The following SRPX2 variants were observed in gnomAD, a reference collection of about 807,000 sequenced individuals.
SRPX2 encodes the protein sushi repeat containing protein X-linked 2.
A neutral mutation model predicts 45.3 loss-of-function variants in SRPX2; 26 were observed. That is an observed-to-expected ratio of 0.57 (90% CI 0.42 to 0.80). The LOEUF (loss-of-function observed/expected upper bound fraction) is 0.80, where lower values mean the gene tolerates loss of function less well. SRPX2 is among the 30% of genes least tolerant of loss of function. The probability of loss-of-function intolerance (pLI) is 0.00; values close to 1 mark genes in which losing one functional copy is unlikely to be tolerated. For missense variants in SRPX2, 355 were observed against 399.8 expected (o/e 0.89, Z 0.95); for synonymous variants, 125 against 143.7 (o/e 0.87, Z 0.93).
rs1483182243 is a variant in SRPX2 at position 100,669,408 on chromosome X, G to A, written c.1217+39G>A. The A allele has an allele frequency of 1.5e-5, 5 of 332,716 alleles. 1 individual carries two copies. Among genetic ancestry groups the A allele is most frequent in the Admixed American group, 3.9e-5 (1 of 25,965 alleles). The allele number at this position is 332,716 out of a possible 1,213,427, so 27.4% of individuals were successfully genotyped here. Reference sequence around the variant, plus strand: ...GGCTGCCAAACTTGGGGGGAGGGGGGGCTGGGGCGGGGGGAGAAACCCTAG... The same window carrying A: ...GGCTGCCAAACTTGGGGGGAGGGGGAGCTGGGGCGGGGGGAGAAACCCTAG... On this transcript the variant is annotated intron_variant, in intron 10 of 10. Transcript: ENST00000373004.
Position 100,669,264 on chromosome X carries a change from T to C in SRPX2, c.1112T>C (p.Leu371Pro), listed in dbSNP as rs752804195. 8 of 1,208,148 alleles carry C rather than the reference T, an allele frequency of 6.6e-6. No homozygotes were observed. Among genetic ancestry groups the C allele is most frequent in the African/African-American group, 1.8e-5 (1 of 56,580 alleles). The change falls in exon 10 of 11, where the codon CTG becomes CCG. Residue 371 changes from leucine (L) to proline (P), a missense_variant. Physicochemically the swap from Leu to Pro is moderately conservative, Grantham distance 98. Coordinates refer to ENST00000373004, the MANE Select transcript of SRPX2 (RefSeq NM_014467.3). ...CCCTCCCAGCAATCCACCTGTGGAC[T>C]GGATTTGCGGCATGTGACCATCATT... ...ISMLQQSTCG[L>P]DLRHVTIIEL...
At chrX:100,650,545 G>A (rs1227500223) in intron 2 of SRPX2, among the ~76,000 whole-genome samples, 1 of 111,147 alleles carries the variant, frequency 9.0e-6, no homozygotes, top group Admixed American at 9.5e-5. Flanking sequence ...TCCAGTGCTC[G>A]CAGTAACTGG....
Position 100,672,832 on chromosome X carries a change from A to G in SRPX2, c.*1845A>G, listed in dbSNP as rs1438375754. The G allele has an allele frequency of 4.5e-5, 5 of 112,113 alleles. No homozygotes were observed. Among genetic ancestry groups the G allele is most frequent in the Admixed American group, 9.5e-5 (1 of 10,578 alleles). The allele number at this position is 112,113 out of a possible 1,213,427, so 9.2% of individuals were successfully genotyped here. A position where few individuals can be genotyped will look rare whatever the true frequency, so the allele number is the denominator to read the frequency against. ...AAAGCGGAGTGATGGGACATAAATC[A>G]TGAGCCCAGAACAAATTGGGGGAGC... On this transcript the variant is annotated 3_prime_UTR_variant, in exon 11 of 11. Coordinates refer to ENST00000373004, the MANE Select transcript of SRPX2 (RefSeq NM_014467.3).
Position 100,665,384 on chromosome X carries a change from T to C in SRPX2, c.659+15T>C, listed in dbSNP as rs748820323. The C allele has an allele frequency of 3.3e-6, 4 of 1,208,667 alleles. No individual in the cohort carries two copies. The highest frequency in any genetic ancestry group is 4.4e-5 in the Admixed American group (2 of 45,843). On this transcript the variant is annotated intron_variant, in intron 6 of 10. Coordinates refer to ENST00000373004, the MANE Select transcript of SRPX2 (RefSeq NM_014467.3). The stretch of plus-strand genomic sequence containing the variant: ...ACCATCACCAGGTGAGCCTGAATAA[T>C]GGATGCCCCTTATGCCTTCCCTCGG...
At position 100,666,686 on chromosome X, in the gene SRPX2, G is replaced by A. The variant is rs1602724995; in HGVS notation, c.782-68G>A. 3.4e-6 allele frequency: 4 copies of A among 1,190,595 alleles called. No individual in the cohort carries two copies. In the East Asian group the frequency reaches 1.2e-4, roughly 35 times the overall value. ...CTTCTGATCTAGAAAGCCCAGCATG[G>A]GCACCCTCTTAGCCTTTCCTTCTTA... On this transcript the variant is annotated intron_variant, in intron 7 of 10. Transcript: ENST00000373004.
At chrX:100,650,761 T>G in intron 2 of SRPX2, 24 bp from the exon 3 acceptor site, 1 of 1,180,983 alleles carries the variant, frequency 8.5e-7, no homozygotes, top group Non-Finnish European at 1.2e-6. Flanking sequence ...AGACACCATT[T>G]TGATATTGTC....
rs35600595 is a variant in SRPX2, at chrX:100,659,777, C to CTTT, written c.164-2387_164-2385dup. ...TGTTCCTTTGGTGTCTCATCTACTT[C>CTTT]TTTTTTTTTTTTTTCAAAGCTTTTT... On this transcript the variant is annotated intron_variant, in intron 3 of 10. Coordinates refer to ENST00000373004, the MANE Select transcript of SRPX2 (RefSeq NM_014467.3). 4.3e-3 allele frequency among the ~76,000 whole-genome samples: 363 copies of CTTT among 83,925 alleles called. 3 individuals carry two copies. The highest frequency in any genetic ancestry group is 0.015 in the African/African-American group (337 of 22,787). 72.9% of individuals were successfully genotyped at this position (83,925 alleles called of 115,157 possible). A position where few individuals can be genotyped will look rare whatever the true frequency, so the allele number is the denominator to read the frequency against.
intron 5 of SRPX2, 124 bp downstream of exon 5, chrX:100,665,074 A>G (rs1396882191): frequency 1.9e-6 from 2 of 1,055,460 alleles, no homozygotes; most frequent in Non-Finnish European, 2.6e-6. Flanking sequence ...CACCCTGGGT[A>G]TTTGCTAAAC....
chrX:100,652,863 A>G (rs916228267), intron 3 of SRPX2, among the ~76,000 whole-genome samples: 3 of 111,087 alleles, frequency 2.7e-5, no homozygotes, highest in Non-Finnish European at 3.8e-5. Context: ...CTCAGCACCC[A>G]CTAACTCCTA....
intron 3 of SRPX2, among the ~76,000 whole-genome samples, chrX:100,661,605 A>ATGCCTGG (rs758075141): frequency 2.1e-3 from 238 of 111,549 alleles, no homozygotes; most frequent in Non-Finnish European, 2.0e-3. Flanking sequence ...TCTCGTCTCT[A>ATGCCTGG]CTAAAATACA....
chrX:100,647,112 G>A (rs747813677), intron 2 of SRPX2, among the ~76,000 whole-genome samples: 1 of 112,010 alleles, frequency 8.9e-6, no homozygotes, highest in African/African-American at 3.2e-5. Context: ...AGGGATGAGG[G>A]CAGGATAATG....
chrX:100,664,231 T>A (rs987769614), intron 4 of SRPX2, among the ~76,000 whole-genome samples: 2 of 100,519 alleles, frequency 2.0e-5, no homozygotes, highest in Non-Finnish European at 4.1e-5. Flanking sequence ...TTTTTTTTTT[T>A]ACTCTTGATA....
At chrX:100,669,422 G>GGGGGGGGGGGGC in intron 10 of SRPX2, 53 bp downstream of exon 10, 1 of 319,099 alleles carries the variant, frequency 3.1e-6, no homozygotes, top group Non-Finnish European at 6.2e-6. Flanking sequence ...GGGGCGGGGG[G>GGGGGGGGGGGGC]AGAAACCCTA....
rs1208754092 is a variant in SRPX2, at chrX:100,665,618, T to C, written c.742T>C (p.Tyr248His). Reference protein sequence around the residue: ...VIRYTAYDRAYNRASCKFIVK... With the variant: ...VIRYTAYDRAHNRASCKFIVK... ...TCGTTACACTGCCTATGACCGAGCC[T>C]ACAACCGGGCCAGCTGCAAGTTCAT... Residue 248 changes from tyrosine to histidine, a missense_variant, in exon 7 of 11, where the codon TAC becomes CAC. Transcript: ENST00000373004. The C allele has an allele frequency of 2.6e-5, 32 of 1,210,433 alleles. No individual in the cohort carries two copies. Among genetic ancestry groups the C allele is most frequent in the Non-Finnish European group, 3.6e-5 (32 of 895,367 alleles).
Position 100,673,776 on chromosome X carries a change from G to A in SRPX2, c.*2789G>A, listed in dbSNP as rs971127208. 8.9e-6 allele frequency: 1 copy of A among 112,040 alleles called. No homozygotes were observed. Among genetic ancestry groups the A allele is most frequent in the African/African-American group, 3.2e-5 (1 of 30,817 alleles). 9.2% of individuals were successfully genotyped at this position (112,040 alleles called of 1,213,427 possible). On this transcript the variant is annotated 3_prime_UTR_variant, in exon 11 of 11. Transcript: ENST00000373004. ...CCATTCTCACAGGAGGCCACATGGT[G>A]CAGTAGAGTCAGACTTTGATTCAAA... is the stretch of plus-strand genomic sequence containing the variant.
rs763862343 is a variant in SRPX2 at position 100,652,419 on chromosome X, GA to G, written c.163+1555del. 5.3e-5 allele frequency among the ~76,000 whole-genome samples: 6 copies of G among 112,279 alleles called. No homozygotes were observed. In the East Asian group the frequency reaches 1.4e-3, roughly 26 times the overall value. ...AAAGATGCCCTACAGGCGGCGGAAG[GA>G]TGAAGTTGTGTGAGTCATCAGCTTA... is the stretch of plus-strand genomic sequence containing the variant. On this transcript the variant is annotated intron_variant, in intron 3 of 10. Transcript: ENST00000373004.
chrX:100,669,368 A>T lies in SRPX2; in HGVS notation c.1216A>T (p.Arg406Trp). Residue 406 changes from arginine (R) to tryptophan (W), a missense_variant and splice_region_variant, in exon 10 of 11, where the codon AGG becomes TGG. Physicochemically the swap from Arg to Trp is moderately radical, Grantham distance 101 (BLOSUM62 -3). Transcript: ENST00000373004. ...GTCAGCCAACATCATCGAGGAGCTC[A>T]GGTCCAGGCTGGGAGGCTGCCAAAC... Reference protein sequence around the residue: ...QLSANIIEELRQFQRLTRSYF... With the variant: ...QLSANIIEELWQFQRLTRSYF... 1 of 869,784 alleles carries T rather than the reference A, an allele frequency of 1.1e-6. No individual in the cohort carries two copies. The highest frequency in any genetic ancestry group is 1.5e-6 in the Non-Finnish European group (1 of 686,233). The allele number at this position is 869,784 out of a possible 1,213,427, so 71.7% of individuals were successfully genotyped here.
At position 100,664,932 on chromosome X, in the gene SRPX2, G is replaced by C; in HGVS notation, c.514G>C (p.Gly172Arg). 8.3e-7 allele frequency: 1 copy of C among 1,210,500 alleles called. No homozygotes were observed. The change falls in exon 5 of 11, where the codon GGC becomes CGC. Residue 172 changes from glycine to arginine, a missense_variant. By Grantham distance (125) the Gly-to-Arg change is moderately radical. Transcript: ENST00000373004. ...CATGGAAGATGGGAGATGGAGTGGAGGCGAGCCTGTATGTGTAGGTAAATG... is the reference window on the plus strand; with the variant it reads ...CATGGAAGATGGGAGATGGAGTGGACGCGAGCCTGTATGTGTAGGTAAATG... ...ICMEDGRWSG[G>R]EPVCVDIDPP...
At position 100,673,153 on chromosome X, in the gene SRPX2, C is replaced by T. The variant is rs932079602; in HGVS notation, c.*2166C>T. 4 of 111,647 alleles carry T rather than the reference C, an allele frequency of 3.6e-5. No homozygotes were observed. In the East Asian group the frequency reaches 1.1e-3, roughly 32 times the overall value. 9.2% of individuals were successfully genotyped at this position (111,647 alleles called of 1,213,427 possible). On this transcript the variant is annotated 3_prime_UTR_variant, in exon 11 of 11. Transcript: ENST00000373004. The stretch of plus-strand genomic sequence containing the variant: ...CACCTTGGGCGAGATGAATGCCCTT[C>T]GTTGTCTTTATCACTAACACTTCAA...
Sources: allele counts gnomAD v4.1 joint callset (sites outside exome capture counted in the v4.1 genomes callset), GRCh38; gene constraint gnomAD v4.1.1; transcripts MANE v1.5; gene names NCBI Gene and HGNC (gene_info 2026-07-23, HGNC 2026-07-21).